The following OPRD1 variants were observed in gnomAD, a reference collection of about 807,000 sequenced individuals.
OPRD1 encodes delta-type opioid receptor.
Under a neutral mutation model 17.5 loss-of-function variants are expected in OPRD1, and 19 were observed. The observed-to-expected ratio is 1.09, with a 90% CI of 0.76 to 1.60. The LOEUF (loss-of-function observed/expected upper bound fraction) is 1.60. Among genes scored for constraint, OPRD1 ranks in the 40% most tolerant of loss-of-function variants. OPRD1 has a pLI of 0.00. For missense variants in OPRD1, 483 were observed against 547.2 expected (o/e 0.88, Z 1.17); for synonymous variants, 256 against 240.9 (o/e 1.06, Z -0.58).
Position 28,859,295 on chromosome 1 carries a change from G to A in OPRD1, c.569G>A (p.Arg190His), listed in dbSNP as rs752818297. The change falls in exon 2 of 3, where the codon CGT becomes CAT. Residue 190 changes from arginine to histidine, a missense_variant. By Grantham distance (29) the Arg-to-His change is conservative (BLOSUM62 0). Coordinates refer to ENST00000234961, the MANE Select transcript of OPRD1 (RefSeq NM_000911.4). ...CCCATCATGGTCATGGCTGTGACCC[G>A]TCCCCGGGGTGAGTGAGTGAGTGCA... is the stretch of plus-strand genomic sequence containing the variant. ...GVPIMVMAVTRPRDGAVVCML... is the reference protein window; with the variant it reads ...GVPIMVMAVTHPRDGAVVCML... The A allele has an allele frequency of 1.2e-5, 20 of 1,610,992 alleles. No individual in the cohort carries two copies. Among genetic ancestry groups the A allele is most frequent in the Middle Eastern group, 1.8e-4 (1 of 5,652 alleles).
intron 1 of OPRD1, among the ~76,000 whole-genome samples, chr1:28,851,524 G>A (rs148081667): frequency 2.6e-5 from 4 of 152,328 alleles, no homozygotes; most frequent in South Asian, 4.1e-4. Flanking sequence ...TGCTCTAGCC[G>A]AGGAGGACAG....
At chr1:28,826,572 A>G (rs1179431454) in intron 1 of OPRD1, among the ~76,000 whole-genome samples, 1 of 152,196 alleles carries the variant, frequency 6.6e-6, no homozygotes, top group Non-Finnish European at 1.5e-5. Flanking sequence ...GTGTCATAGT[A>G]TTATGTCTAA....
intron 1 of OPRD1, among the ~76,000 whole-genome samples, chr1:28,854,638 G>C (rs1310075234): frequency 6.6e-6 from 1 of 151,814 alleles, no homozygotes; most frequent in Non-Finnish European, 1.5e-5. Flanking sequence ...CCACATCACA[G>C]ATGTCTCTTG....
At position 28,846,846 on chromosome 1, in the gene OPRD1, T is replaced by TTTCTTTCTTTTCTTTCTTTCTTTC. The variant is rs769212543; in HGVS notation, c.228-12106_228-12105insCTTTCTTTTCTTTCTTTCTTTCTT. On this transcript the variant is annotated intron_variant, in intron 1 of 2. Transcript: ENST00000234961. ...TTTTCTTTCTTTCTTTCTTTCTTTC[T>TTTCTTTCTTTTCTTTCTTTCTTTC]TTTCTTTCTTTCTTTCTTTCTTTCT... 1.4e-3 allele frequency among the ~76,000 whole-genome samples: 108 copies of TTTCTTTCTTTTCTTTCTTTCTTTC among 76,904 alleles called. 1 individual carries two copies. The highest frequency in any genetic ancestry group is 4.0e-3 in the African/African-American group (105 of 26,582). The allele number at this position is 76,904 out of a possible 152,430, so 50.5% of individuals were successfully genotyped here.
In OPRD1 at chr1:28,851,647, G is replaced by A. The variant is rs567305308; in HGVS notation, c.228-7307G>A. On this transcript the variant is annotated intron_variant, in intron 1 of 2. Transcript: ENST00000234961. Reference sequence around the variant, plus strand: ...AGCACTTTGGGAGGCCGAGGCGGGCGGATCACCTGAGGTTGGGAGTTCGAG... The same window carrying A: ...AGCACTTTGGGAGGCCGAGGCGGGCAGATCACCTGAGGTTGGGAGTTCGAG... Among the ~76,000 whole-genome samples, 753 of 152,018 alleles carry A rather than the reference G, an allele frequency of 5.0e-3. 4 individuals carry two copies. Among genetic ancestry groups the A allele is most frequent in the African/African-American group, 0.015 (626 of 41,474 alleles).
chr1:28,862,679 T>G, intron 2 of OPRD1, 63 bp from the exon 3 acceptor site: 1 of 1,498,178 alleles, frequency 6.7e-7, no homozygotes, highest in Middle Eastern at 1.8e-4. Flanking sequence ...GGCAAGCAGG[T>G]GGGGGCCCCT....
At chr1:28,819,890 T>G (rs750398738) in intron 1 of OPRD1, among the ~76,000 whole-genome samples, 1 of 152,126 alleles carries the variant, frequency 6.6e-6, no homozygotes, top group Non-Finnish European at 1.5e-5. Context: ...AGCCTGGGCA[T>G]TGGAGCCAGA....
chr1:28,844,506 G>A (rs1404040857), intron 1 of OPRD1, among the ~76,000 whole-genome samples: 5 of 152,038 alleles, frequency 3.3e-5, no homozygotes, highest in Non-Finnish European at 5.9e-5. Flanking sequence ...GGCCAGGCTG[G>A]TCTCAAACTC....
Position 28,836,058 on chromosome 1 carries a change from A to G in OPRD1, c.228-22896A>G, listed in dbSNP as rs966613448. Among the ~76,000 whole-genome samples, 5 of 152,156 alleles carry G rather than the reference A, an allele frequency of 3.3e-5. No homozygotes were observed. In the South Asian group the frequency reaches 8.3e-4, roughly 25 times the overall value. On this transcript the variant is annotated intron_variant, in intron 1 of 2. Transcript: ENST00000234961. ...CTCTCCTTCTAGGCTAACATTCTAT[A>G]TTCTTGATGGAAAAAAGGCCTTCTG...
chr1:28,855,689 T>A (rs1388814098), intron 1 of OPRD1, among the ~76,000 whole-genome samples: 1 of 152,172 alleles, frequency 6.6e-6, no homozygotes, highest in Non-Finnish European at 1.5e-5. Flanking sequence ...CCTCTGGGAA[T>A]GGAAGGATCC....
chr1:28,819,556 G>A (rs1268502077), intron 1 of OPRD1, among the ~76,000 whole-genome samples: 1 of 152,174 alleles, frequency 6.6e-6, no homozygotes, highest in Non-Finnish European at 1.5e-5. Context: ...GGATCCAGAG[G>A]CCATATTGAG....
chr1:28,822,300 G>A (rs1036913829), intron 1 of OPRD1, among the ~76,000 whole-genome samples: 1 of 152,012 alleles, frequency 6.6e-6, no homozygotes, highest in African/African-American at 2.4e-5. Context: ...CTCCAAGAAG[G>A]TACGGGCTGC....
chr1:28,829,222 C>T (rs1303280116), intron 1 of OPRD1, among the ~76,000 whole-genome samples: 2 of 152,144 alleles, frequency 1.3e-5, no homozygotes, highest in Admixed American at 1.3e-4. Context: ...GTTTCCTCAC[C>T]TCTTTCAGCC....
chr1:28,821,339 C>G (rs550592321), intron 1 of OPRD1, among the ~76,000 whole-genome samples: 1 of 152,068 alleles, frequency 6.6e-6, no homozygotes, highest in Non-Finnish European at 1.5e-5. Flanking sequence ...TTCTCTTGAC[C>G]TCAGGTGATC....
chr1:28,858,843 G>A (rs1299284624), intron 1 of OPRD1, 111 bp from the exon 2 acceptor site: 2 of 1,061,038 alleles, frequency 1.9e-6, no homozygotes, highest in African/African-American at 3.1e-5. Flanking sequence ...ACCATGCCTA[G>A]CCTCCCCTGA....
At chr1:28,846,423 T>A (rs1468247950) in intron 1 of OPRD1, among the ~76,000 whole-genome samples, 2 of 127,876 alleles carry the variant, frequency 1.6e-5, no homozygotes, top group Non-Finnish European at 1.8e-5. Flanking sequence ...TGCCCTCACA[T>A]GGCAGAGAGA....
chr1:28,860,132 A>G (rs1476758755), intron 2 of OPRD1, among the ~76,000 whole-genome samples: 2 of 152,226 alleles, frequency 1.3e-5, no homozygotes, highest in African/African-American at 4.8e-5. Context: ...TGGGAGGCCA[A>G]GGCGGGTGAA....
chr1:28,841,198 A>T (rs770434181), intron 1 of OPRD1, among the ~76,000 whole-genome samples: 2 of 152,132 alleles, frequency 1.3e-5, no homozygotes, highest in Non-Finnish European at 2.9e-5. Context: ...CGTTGTTCTG[A>T]TGTTTATAAG....
chr1:28,843,124 C>G (rs183197974), intron 1 of OPRD1, among the ~76,000 whole-genome samples: 77 of 152,206 alleles, frequency 5.1e-4, no homozygotes, highest in Admixed American at 2.8e-3. Context: ...GAAGCAGGTT[C>G]AGAAAGGTGA....
Sources: allele counts gnomAD v4.1 joint callset (sites outside exome capture counted in the v4.1 genomes callset), GRCh38; gene constraint gnomAD v4.1.1; transcripts MANE v1.5; gene names NCBI Gene and HGNC (gene_info 2026-07-23, HGNC 2026-07-21).